The following ARHGAP10 variants were observed in gnomAD, a reference collection of about 807,000 sequenced individuals.
ARHGAP10 encodes the protein Rho GTPase activating protein 10.
Under a neutral mutation model 108.6 loss-of-function variants are expected in ARHGAP10, and 87 were observed. That is an observed-to-expected ratio of 0.80 (90% CI 0.67 to 0.96). ARHGAP10 has a LOEUF of 0.96. Among genes scored for constraint, ARHGAP10 ranks in the 40% least tolerant of loss-of-function variants. ARHGAP10 has a pLI of 0.00. For missense variants in ARHGAP10, 939 were observed against 954.5 expected, an observed-to-expected ratio of 0.98 and a Z score of 0.21; for synonymous variants, 347 against 341.1, an observed-to-expected ratio of 1.02 and a Z score of -0.19.
chr4:147,866,999 C>T (rs1734593981), intron 7 of ARHGAP10, among the ~76,000 whole-genome samples, 183 bp downstream of exon 7: 1 of 152,158 alleles, frequency 6.6e-6, no homozygotes, highest in Non-Finnish European at 1.5e-5. Flanking sequence ...TTGGTTGAGG[C>T]TTGGGAAATT....
At chr4:147,735,601 T>C (rs906884650) in intron 1 of ARHGAP10, among the ~76,000 whole-genome samples, 1 of 152,190 alleles carries the variant, frequency 6.6e-6, no homozygotes, top group African/African-American at 2.4e-5. Context: ...GGACTTTATC[T>C]TGTGGAGAGT....
intron 5 of ARHGAP10, among the ~76,000 whole-genome samples, chr4:147,860,455 CAAAACAAAACAAAAA>C (rs1734268635): frequency 6.6e-6 from 1 of 151,874 alleles, no homozygotes; most frequent in South Asian, 2.1e-4. Context: ...CAAAACAAAA[CAAAACAAAACAAAAA>C]AAACCAGGAG....
At chr4:147,954,152 CTGGGAA>C (rs1738707195) in intron 15 of ARHGAP10, among the ~76,000 whole-genome samples, 1 of 151,928 alleles carries the variant, frequency 6.6e-6, no homozygotes, top group Non-Finnish European at 1.5e-5. Context: ...CCTGTATGCA[CTGGGAA>C]TGTGTGTTCT....
At chr4:147,928,463 G>A (rs1737547130) in intron 13 of ARHGAP10, among the ~76,000 whole-genome samples, 1 of 152,180 alleles carries the variant, frequency 6.6e-6, no homozygotes, top group South Asian at 2.1e-4. Flanking sequence ...TGCTGGTGGG[G>A]AGGCTAATCA....
intron 1 of ARHGAP10, among the ~76,000 whole-genome samples, chr4:147,742,037 C>T (rs1728698329): frequency 1.3e-5 from 2 of 152,072 alleles, no homozygotes; most frequent in Admixed American, 6.6e-5. Context: ...TGTTTACCCA[C>T]AGGCATCTTC....
intron 13 of ARHGAP10, 112 bp from the exon 14 acceptor site, chr4:147,939,713 G>A (rs1738097365): frequency 3.2e-6 from 3 of 926,248 alleles, no homozygotes; most frequent in Non-Finnish European, 5.3e-6. Context: ...TATTTTTATA[G>A]TTAACAGGAA....
At chr4:147,850,678 G>C (rs1023786761) in intron 4 of ARHGAP10, among the ~76,000 whole-genome samples, 1 of 152,108 alleles carries the variant, frequency 6.6e-6, no homozygotes, top group Non-Finnish European at 1.5e-5. Context: ...TCACTGCGAG[G>C]GTCCGCGGCT....
At position 147,864,282 on chromosome 4, in the gene ARHGAP10, C is replaced by T. The variant is rs374678433; in HGVS notation, c.487-564C>T. 5.2e-5 allele frequency: 8 copies of T among 152,616 alleles called. No individual in the cohort carries two copies. In the East Asian group the frequency reaches 7.7e-4, roughly 15 times the overall value. 9.5% of individuals were successfully genotyped at this position (152,616 alleles called of 1,614,324 possible). ...CCCAGGGGATCAGACGTTCTGAGGG[C>T]CGCAGATGGGCGTCCAGCCCTGGCC... is the stretch of plus-strand genomic sequence containing the variant. On this transcript the variant is annotated intron_variant, in intron 5 of 22. Transcript: ENST00000336498.
chr4:148,005,291 A>T (rs1740901342), intron 18 of ARHGAP10, among the ~76,000 whole-genome samples: 1 of 152,212 alleles, frequency 6.6e-6, no homozygotes, highest in Non-Finnish European at 1.5e-5. Flanking sequence ...GTGTATTCAC[A>T]TACATATATA....
At chr4:147,901,926 G>C (rs891799728) in intron 10 of ARHGAP10, among the ~76,000 whole-genome samples, 2 of 152,174 alleles carry the variant, frequency 1.3e-5, no homozygotes, top group Non-Finnish European at 2.9e-5. Flanking sequence ...AAACAAAAAG[G>C]AACTAGAGAG....
intron 18 of ARHGAP10, among the ~76,000 whole-genome samples, chr4:147,980,779 T>C (rs953219658): frequency 1.3e-4 from 20 of 152,186 alleles, no homozygotes; most frequent in African/African-American, 3.4e-4. Context: ...GTTGTGTGGT[T>C]GTATGTTTCC....
chr4:147,778,757 C>T (rs564117292), intron 1 of ARHGAP10, among the ~76,000 whole-genome samples: 15 of 152,204 alleles, frequency 9.9e-5, no homozygotes, highest in Admixed American at 7.2e-4. Flanking sequence ...TTTGTAATCT[C>T]CTTTGCAGTG....
In ARHGAP10 at chr4:147,966,292, A is replaced by G. The variant is rs145972649; in HGVS notation, c.1557-388A>G. Among the ~76,000 whole-genome samples the G allele has an allele frequency of 2.3e-3, 356 of 152,334 alleles. 2 individuals are homozygous for G. Among genetic ancestry groups the G allele is most frequent in the African/African-American group, 8.2e-3 (342 of 41,580 alleles). On this transcript the variant is annotated intron_variant, in intron 17 of 22. Coordinates refer to ENST00000336498, the MANE Select transcript of ARHGAP10 (RefSeq NM_024605.4). ...CAGATTCAACCAGCTACTGATCAAA[A>G]ATCCAGTATTCCCTGTGGACATGAG...
intron 15 of ARHGAP10, 76 bp downstream of exon 15, chr4:147,946,780 C>CTATTG: frequency 9.0e-7 from 1 of 1,105,854 alleles, no homozygotes. Context: ...CAATTGTGTA[C>CTATTG]ATAAATATCA....
At chr4:148,022,464 G>A (rs2149663083) in intron 18 of ARHGAP10, among the ~76,000 whole-genome samples, 1 of 152,334 alleles carries the variant, frequency 6.6e-6, no homozygotes, top group East Asian at 1.9e-4. Flanking sequence ...AGGGCCTGCA[G>A]CATTGCTGGA....
chr4:147,965,603 CTG>C (rs1342181228), intron 17 of ARHGAP10, among the ~76,000 whole-genome samples: 2 of 152,242 alleles, frequency 1.3e-5, no homozygotes, highest in African/African-American at 4.8e-5. Flanking sequence ...ATCATTCTAA[CTG>C]TAGAATTTTA....
At chr4:147,735,086 A>G (rs910542483) in intron 1 of ARHGAP10, among the ~76,000 whole-genome samples, 2 of 152,192 alleles carry the variant, frequency 1.3e-5, no homozygotes, top group African/African-American at 4.8e-5. Context: ...TTTGAGGCCT[A>G]TGCGACCTGA....
chr4:147,852,110 A>G (rs1560790447), intron 4 of ARHGAP10, among the ~76,000 whole-genome samples: 1 of 152,194 alleles, frequency 6.6e-6, no homozygotes. Flanking sequence ...TAATTTTATT[A>G]TCCCATTCAT....
At chr4:148,028,938 T>G (rs2149667891) in intron 19 of ARHGAP10, among the ~76,000 whole-genome samples, 1 of 152,342 alleles carries the variant, frequency 6.6e-6, no homozygotes, top group Non-Finnish European at 1.5e-5. Flanking sequence ...ATGTTTTTGT[T>G]TTTATCTTCA....
Sources: allele counts gnomAD v4.1 joint callset (sites outside exome capture counted in the v4.1 genomes callset), GRCh38; gene constraint gnomAD v4.1.1; transcripts MANE v1.5; gene names NCBI Gene and HGNC (gene_info 2026-07-23, HGNC 2026-07-21).